Variants in CSNK1G1 observed in about 807,000 individuals in gnomAD.
CSNK1G1 encodes the protein casein kinase 1 gamma 1, also known as casein kinase I isoform gamma-1.
In CSNK1G1, 22 loss-of-function variants were observed where a neutral mutation model predicts 59.6. The observed-to-expected ratio is 0.37, with a 90% CI of 0.26 to 0.53. The LOEUF is 0.53. Ranked by LOEUF, CSNK1G1 falls within the 20% of genes least tolerant of loss-of-function variation. The pLI is 0.89. For missense variants in CSNK1G1, 384 were observed against 519.5 expected, an observed-to-expected ratio of 0.74 and a Z score of 2.54; for synonymous variants, 179 against 177.1, an observed-to-expected ratio of 1.01 and a Z score of -0.08.
chr15:64,262,584 T>C (rs1015229885), intron 2 of CSNK1G1, among the ~76,000 whole-genome samples: 88 of 152,176 alleles, frequency 5.8e-4, no homozygotes, highest in African/African-American at 1.9e-3. Context: ...ATGAATAATA[T>C]CCAATGCCAG....
chr15:64,335,731 A>G (rs1897354770), intron 1 of CSNK1G1: 1 of 152,210 alleles, frequency 6.6e-6, no homozygotes, highest in Non-Finnish European at 1.5e-5. Context: ...TAGAATTTCA[A>G]CCTTTTCTGT....
chr15:64,289,168 AG>A (rs1894595810), intron 2 of CSNK1G1, among the ~76,000 whole-genome samples: 4 of 149,964 alleles, frequency 2.7e-5, no homozygotes, highest in Admixed American at 1.3e-4. Flanking sequence ...CGAACAAGTG[AG>A]ACTCTGTATC....
chr15:64,205,090 A>T, intron 7 of CSNK1G1, 141 bp from the exon 8 acceptor site: 1 of 554,396 alleles, frequency 1.8e-6, no homozygotes, highest in Non-Finnish European at 3.1e-6. Context: ...CTAACAAATA[A>T]GAAATGTAGT....
intron 3 of CSNK1G1, among the ~76,000 whole-genome samples, chr15:64,254,939 T>G (rs1166816871): frequency 6.6e-6 from 1 of 152,200 alleles, no homozygotes; most frequent in Non-Finnish European, 1.5e-5. Flanking sequence ...TACATTTAGG[T>G]CTTTGATCCA....
At chr15:64,333,997 G>C (rs1897250465) in intron 1 of CSNK1G1, among the ~76,000 whole-genome samples, 2 of 152,166 alleles carry the variant, frequency 1.3e-5, no homozygotes, top group Non-Finnish European at 1.5e-5. Context: ...ATAGATCTTC[G>C]AGCACTAGAT....
At chr15:64,354,454 G>A (rs563223006) in intron 1 of CSNK1G1, among the ~76,000 whole-genome samples, 146 of 152,296 alleles carry the variant, frequency 9.6e-4, no homozygotes, top group African/African-American at 3.3e-3. Flanking sequence ...CCAATATGGT[G>A]TAGCTGAGAA....
intron 1 of CSNK1G1, among the ~76,000 whole-genome samples, chr15:64,346,362 T>TA (rs1897972609): frequency 6.6e-6 from 1 of 151,138 alleles, no homozygotes; most frequent in Non-Finnish European, 1.5e-5. Flanking sequence ...TACAAAACGA[T>TA]AAAAAATTCT....
intron 1 of CSNK1G1, among the ~76,000 whole-genome samples, chr15:64,322,204 C>G (rs1396643909): frequency 6.6e-6 from 1 of 152,132 alleles, no homozygotes; most frequent in Non-Finnish European, 1.5e-5. Flanking sequence ...ATATTCATTT[C>G]TCTTTCCTAG....
intron 1 of CSNK1G1, among the ~76,000 whole-genome samples, chr15:64,352,209 G>A (rs1235382514): frequency 6.6e-6 from 1 of 151,900 alleles, no homozygotes; most frequent in Non-Finnish European, 1.5e-5. Flanking sequence ...AGGAGGCTGA[G>A]GCAGTAGAAT....
chr15:64,288,582 G>A (rs1894556569), intron 2 of CSNK1G1, among the ~76,000 whole-genome samples: 1 of 151,588 alleles, frequency 6.6e-6, no homozygotes, highest in South Asian at 2.1e-4. Flanking sequence ...GTGTGTGTGT[G>A]TTTGTGTGCA....
chr15:64,172,101 G>A, intron 11 of CSNK1G1, 116 bp from the exon 12 acceptor site: 4 of 879,392 alleles, frequency 4.5e-6, no homozygotes, highest in Non-Finnish European at 7.6e-6. Flanking sequence ...CACCCATAGG[G>A]ACCACCCACC....
At chr15:64,353,946 G>C (rs1898481664) in intron 1 of CSNK1G1, among the ~76,000 whole-genome samples, 1 of 152,106 alleles carries the variant, frequency 6.6e-6, no homozygotes, top group African/African-American at 2.4e-5. Context: ...TATTATATAA[G>C]TTTTTCTAGT....
Position 64,318,179 on chromosome 15 carries a change from T to C in CSNK1G1, c.-224-17456A>G, listed in dbSNP as rs566065085. On this transcript the variant is annotated intron_variant, in intron 1 of 11. Transcript: ENST00000303052. ...AAAAAATTAATCATATATATATATA[T>C]TTTTAATGGCTTTGTAGTTGTGGCC... Among the ~76,000 whole-genome samples the C allele has an allele frequency of 5.9e-5, 9 of 151,954 alleles. No individual in the cohort carries two copies. In the South Asian group the frequency reaches 1.9e-3, roughly 31 times the overall value.
intron 1 of CSNK1G1, among the ~76,000 whole-genome samples, chr15:64,310,492 G>C (rs959438468): frequency 1.3e-5 from 2 of 151,854 alleles, no homozygotes; most frequent in Admixed American, 1.3e-4. Context: ...AAGACAGAAG[G>C]ACTGCTTGAG....
chr15:64,275,700 T>C (rs901956265), intron 2 of CSNK1G1, among the ~76,000 whole-genome samples: 57 of 152,108 alleles, frequency 3.7e-4, no homozygotes, highest in Non-Finnish European at 8.2e-4. Flanking sequence ...GGATATAAAG[T>C]AAATACATTC....
chr15:64,222,851 T>C (rs928995017), intron 4 of CSNK1G1, among the ~76,000 whole-genome samples: 6 of 152,154 alleles, frequency 3.9e-5, no homozygotes, highest in African/African-American at 1.2e-4. Flanking sequence ...TTATGATTAA[T>C]ATAAGGATTC....
At chr15:64,202,561 T>C (rs1031990753) in intron 10 of CSNK1G1, among the ~76,000 whole-genome samples, 2 of 151,730 alleles carry the variant, frequency 1.3e-5, no homozygotes, top group African/African-American at 4.8e-5. Context: ...TTTTTTTTTT[T>C]TTTTTAAGAC....
At chr15:64,189,831 T>G (rs1163911299) in intron 10 of CSNK1G1, among the ~76,000 whole-genome samples, 1 of 150,654 alleles carries the variant, frequency 6.6e-6, no homozygotes, top group Non-Finnish European at 1.5e-5. Context: ...TTTTTTTTTT[T>G]TTTTTGAGAC....
intron 4 of CSNK1G1, among the ~76,000 whole-genome samples, chr15:64,230,455 C>T (rs991369761): frequency 7.9e-5 from 12 of 151,788 alleles, no homozygotes; most frequent in South Asian, 6.3e-4. Context: ...TGTGACACCA[C>T]GCCTGGCTAA....
Sources: allele counts gnomAD v4.1 joint callset (sites outside exome capture counted in the v4.1 genomes callset), GRCh38; gene constraint gnomAD v4.1.1; transcripts MANE v1.5; gene names NCBI Gene and HGNC (gene_info 2026-07-23, HGNC 2026-07-21).